AK5: variants seen among roughly 807,000 people sequenced by gnomAD.
AK5 encodes adenylate kinase 5, also known as adenylate kinase isoenzyme 5.
Under a neutral mutation model 69.5 loss-of-function variants are expected in AK5, and 27 were observed. The observed-to-expected ratio is 0.39, with a 90% CI of 0.29 to 0.54. The LOEUF (loss-of-function observed/expected upper bound fraction) is 0.54, where lower values mean the gene tolerates loss of function less well. Among genes scored for constraint, AK5 ranks in the 20% least tolerant of loss-of-function variants. The probability of loss-of-function intolerance (pLI) is 0.71; values close to 1 mark genes in which losing one functional copy is unlikely to be tolerated. For missense variants in AK5, 531 were observed against 700.4 expected (o/e 0.76, Z 2.73); for synonymous variants, 260 against 244.4 (o/e 1.06, Z -0.60).
At chr1:77,432,835 C>T (rs1426784322) in intron 8 of AK5, among the ~76,000 whole-genome samples, 4 of 152,130 alleles carry the variant, frequency 2.6e-5, no homozygotes, top group African/African-American at 4.8e-5. Context: ...ATCTGAATTA[C>T]ATCATTATCT....
At chr1:77,535,100 T>G (rs998336308) in intron 12 of AK5, among the ~76,000 whole-genome samples, 1 of 152,200 alleles carries the variant, frequency 6.6e-6, no homozygotes, top group Admixed American at 6.5e-5. Context: ...TCAGGATAGT[T>G]GGACATCTTA....
rs1660336100 is a variant in AK5 at position 77,559,660 on chromosome 1, G to A, written c.*990G>A. ...GTTTGTTTCATATGGGCCCTTTCCA[G>A]GAGTTTGCAAACCTTGTCATACCCA... On this transcript the variant is annotated 3_prime_UTR_variant, in exon 14 of 14. Coordinates refer to ENST00000354567, the MANE Select transcript of AK5 (RefSeq NM_174858.3). The A allele has an allele frequency of 6.6e-6, 1 of 152,138 alleles. No homozygotes were observed. The highest frequency in any genetic ancestry group is 2.1e-4 in the South Asian group (1 of 4,824). 9.4% of individuals were successfully genotyped at this position (152,138 alleles called of 1,614,324 possible).
chr1:77,299,217 T>C (rs2100251569), intron 5 of AK5, among the ~76,000 whole-genome samples: 1 of 152,190 alleles, frequency 6.6e-6, no homozygotes, highest in East Asian at 1.9e-4. Flanking sequence ...ATTTCATGGG[T>C]TACTATTAAG....
rs530102979 is a variant in AK5, at chr1:77,289,088, A to G, written c.247+1961A>G. Among the ~76,000 whole-genome samples, 12 of 152,336 alleles carry G rather than the reference A, an allele frequency of 7.9e-5. No homozygotes were observed. In the South Asian group the frequency reaches 2.3e-3, roughly 29 times the overall value. Reference sequence around the variant, plus strand: ...CATAGACCCACTTTCTGGTTTGATAACCAAGATGAGTCCCAGGTATAAAGT... The same window carrying G: ...CATAGACCCACTTTCTGGTTTGATAGCCAAGATGAGTCCCAGGTATAAAGT... On this transcript the variant is annotated intron_variant, in intron 2 of 13. Transcript: ENST00000354567.
chr1:77,303,111 C>T (rs1001999691), intron 5 of AK5, among the ~76,000 whole-genome samples: 2 of 152,082 alleles, frequency 1.3e-5, no homozygotes, highest in African/African-American at 4.8e-5. Context: ...AATACAGAAA[C>T]TTATTTCCCT....
intron 10 of AK5, among the ~76,000 whole-genome samples, chr1:77,513,527 A>T (rs111265974): frequency 2.0e-5 from 3 of 152,342 alleles, no homozygotes; most frequent in African/African-American, 7.2e-5. Flanking sequence ...AGTTAGTAAG[A>T]TGCAATAAAA....
intron 8 of AK5, among the ~76,000 whole-genome samples, chr1:77,449,801 C>T (rs1206179524): frequency 5.9e-5 from 9 of 152,134 alleles, no homozygotes; most frequent in Admixed American, 5.2e-4. Context: ...TCCCCATTGT[C>T]TTGGGGATTA....
At chr1:77,401,402 C>A (rs1277598036) in intron 6 of AK5, among the ~76,000 whole-genome samples, 1 of 152,160 alleles carries the variant, frequency 6.6e-6, no homozygotes, top group Admixed American at 6.5e-5. Flanking sequence ...TAATTGAAAT[C>A]TCTTGCATGA....
chr1:77,306,126 T>C (rs1659622693), intron 5 of AK5, among the ~76,000 whole-genome samples: 1 of 152,144 alleles, frequency 6.6e-6, no homozygotes, highest in Admixed American at 6.6e-5. Flanking sequence ...TGTTGAATAA[T>C]GATGGTGACA....
intron 6 of AK5, among the ~76,000 whole-genome samples, chr1:77,407,827 T>C (rs996718512): frequency 6.6e-6 from 1 of 152,114 alleles, no homozygotes; most frequent in African/African-American, 2.4e-5. Flanking sequence ...GTTCCCATCT[T>C]TATCTCCCTG....
chr1:77,439,774 A>ATATATGTATGTATACATG (rs1373931430), intron 8 of AK5, among the ~76,000 whole-genome samples: 2 of 151,474 alleles, frequency 1.3e-5, no homozygotes, highest in Non-Finnish European at 2.9e-5. Context: ...GTATATACAT[A>ATATATGTATGTATACATG]TATATGTATG....
At chr1:77,524,343 T>C (rs72683606) in intron 12 of AK5, among the ~76,000 whole-genome samples, 27,188 of 152,138 alleles carry the variant, frequency 0.18, 2,631 homozygotes, top group South Asian at 0.25. Flanking sequence ...TTTTAATTTT[T>C]TGAGGAGCCA....
intron 10 of AK5, among the ~76,000 whole-genome samples, chr1:77,501,318 C>T (rs1033912752): frequency 6.6e-6 from 1 of 152,232 alleles, no homozygotes; most frequent in African/African-American, 2.4e-5. Context: ...AGGAGGACAA[C>T]TGCCCTCCAC....
At chr1:77,308,461 T>C (rs1659768277) in intron 5 of AK5, among the ~76,000 whole-genome samples, 1 of 141,754 alleles carries the variant, frequency 7.1e-6, no homozygotes, top group Non-Finnish European at 1.6e-5. Context: ...AAAAAAAATC[T>C]TTTTCTCATC....
intron 6 of AK5, among the ~76,000 whole-genome samples, chr1:77,352,088 C>T (rs780653636): frequency 6.6e-6 from 1 of 151,998 alleles, no homozygotes; most frequent in Non-Finnish European, 1.5e-5. Flanking sequence ...TGCCACCATG[C>T]CCGGCTAATT....
At chr1:77,431,601 G>C (rs769543003) in intron 8 of AK5, among the ~76,000 whole-genome samples, 1 of 152,150 alleles carries the variant, frequency 6.6e-6, no homozygotes, top group Non-Finnish European at 1.5e-5. Context: ...AAGCATATTT[G>C]ACTTCTTTAA....
chr1:77,419,822 A>G (rs1650689869), intron 8 of AK5, among the ~76,000 whole-genome samples: 1 of 152,182 alleles, frequency 6.6e-6, no homozygotes, highest in African/African-American at 2.4e-5. Flanking sequence ...GTTATTTTTT[A>G]ACAGATAATA....
At chr1:77,307,808 C>T (rs1327809283) in intron 5 of AK5, among the ~76,000 whole-genome samples, 1 of 152,132 alleles carries the variant, frequency 6.6e-6, no homozygotes, top group Non-Finnish European at 1.5e-5. Context: ...GTGGCATCTG[C>T]AATTTAGGAC....
chr1:77,367,900 A>AATATATATAATATATG (rs1557534648), intron 6 of AK5, among the ~76,000 whole-genome samples: 1 of 8,228 alleles, frequency 1.2e-4, no homozygotes, highest in African/African-American at 3.9e-4. Context: ...TGTGATATAT[A>AATATATATAATATATG]TTATATATAA....
Sources: gnomAD v4.1 joint callset for allele counts (sites outside exome capture counted in the v4.1 genomes callset) on GRCh38, gnomAD v4.1.1 for gene constraint, MANE v1.5 for transcripts, NCBI Gene and HGNC (gene_info 2026-07-23, HGNC 2026-07-21) for gene names.